MAP2K4: variants seen among roughly 807,000 people sequenced by gnomAD.
The protein encoded by MAP2K4 is dual specificity mitogen-activated protein kinase kinase 4.
Under a neutral mutation model 48.5 loss-of-function variants are expected in MAP2K4, and 4 were observed. That is an observed-to-expected ratio of 0.08 (90% CI 0.04 to 0.19). The LOEUF is 0.19. MAP2K4 is among the 10% of genes least tolerant of loss of function. MAP2K4 has a pLI of 1.00. For synonymous variants in MAP2K4, 166 were observed against 173.1 expected, an observed-to-expected ratio of 0.96 and a Z score of 0.32; for missense variants, 258 against 493.3, an observed-to-expected ratio of 0.52 and a Z score of 4.52.
intron 10 of MAP2K4, among the ~76,000 whole-genome samples, chr17:12,140,830 A>G (rs1311767429): frequency 6.6e-6 from 1 of 152,140 alleles, no homozygotes; most frequent in Admixed American, 6.5e-5. Context: ...GGCTCCAGCT[A>G]TGTTTTGTGC....
At chr17:12,126,327 A>G (rs1227299159) in intron 8 of MAP2K4, among the ~76,000 whole-genome samples, 1 of 152,206 alleles carries the variant, frequency 6.6e-6, no homozygotes, top group Admixed American at 6.5e-5. Context: ...TTTCTTACCT[A>G]TGGACTGTAT....
intron 2 of MAP2K4, among the ~76,000 whole-genome samples, chr17:12,063,538 T>C (rs1970519226): frequency 1.3e-5 from 2 of 152,136 alleles, no homozygotes; most frequent in South Asian, 4.1e-4. Flanking sequence ...CTATAAAGCT[T>C]CTAAAAGAAA....
At chr17:12,107,085 G>T (rs1445198117) in intron 4 of MAP2K4, among the ~76,000 whole-genome samples, 6 of 152,222 alleles carry the variant, frequency 3.9e-5, no homozygotes. Context: ...TGCAAGAAAT[G>T]TTTGAATGAT....
At chr17:12,108,274 C>T (rs910196789) in intron 5 of MAP2K4, among the ~76,000 whole-genome samples, 1 of 151,804 alleles carries the variant, frequency 6.6e-6, no homozygotes, top group Non-Finnish European at 1.5e-5. Flanking sequence ...CCTTGAAGCC[C>T]CATAATTGAA....
intron 1 of MAP2K4, among the ~76,000 whole-genome samples, chr17:12,035,598 C>T (rs1969568731): frequency 6.6e-6 from 1 of 152,124 alleles, no homozygotes; most frequent in Non-Finnish European, 1.5e-5. Context: ...CTGATTTCTC[C>T]ACTGTTGGGG....
chr17:12,091,307 A>G (rs1257179994), intron 3 of MAP2K4, among the ~76,000 whole-genome samples: 1 of 152,226 alleles, frequency 6.6e-6, no homozygotes, highest in Non-Finnish European at 1.5e-5. Context: ...CAGCCTTTCA[A>G]CAACTTGGAA....
At chr17:12,100,239 C>T (rs1485703952) in intron 4 of MAP2K4, among the ~76,000 whole-genome samples, 2 of 152,192 alleles carry the variant, frequency 1.3e-5, no homozygotes, top group African/African-American at 2.4e-5. Context: ...CTGCTGTCCC[C>T]ATTCTCAGAT....
intron 5 of MAP2K4, among the ~76,000 whole-genome samples, chr17:12,109,125 G>C (rs568425274): frequency 2.6e-5 from 4 of 152,146 alleles, no homozygotes; most frequent in Admixed American, 1.3e-4. Flanking sequence ...CTGAAGCATA[G>C]ACAGATTAAA....
At chr17:12,133,330 C>T (rs190824797) in intron 9 of MAP2K4, among the ~76,000 whole-genome samples, 3 of 152,314 alleles carry the variant, frequency 2.0e-5, no homozygotes, top group Non-Finnish European at 4.4e-5. Flanking sequence ...AATCCGCCCG[C>T]TTCAGCCTCC....
chr17:12,132,484 T>A (rs1191613749), intron 9 of MAP2K4, among the ~76,000 whole-genome samples: 1 of 152,212 alleles, frequency 6.6e-6, no homozygotes, highest in Non-Finnish European at 1.5e-5. Context: ...TGTATGGTTC[T>A]ATTTCTATAT....
chr17:12,020,905 A>AGCG lies in MAP2K4; in HGVS notation c.31_33dup (p.Gly11dup), dbSNP rs1002526348. 4.4e-5 allele frequency: 51 copies of AGCG among 1,170,630 alleles called. No individual in the cohort carries two copies. The highest frequency in any genetic ancestry group is 3.4e-4 in the Middle Eastern group (1 of 2,916). 72.5% of individuals were successfully genotyped at this position (1,170,630 alleles called of 1,614,324 possible). ...CCCAACAATGGCGGCTCCGAGCCCG[A>AGCG]GCGGCGGCGGCGGCTCCGGGGGCGG... On this transcript the variant is annotated inframe_insertion, in exon 1 of 11. Coordinates refer to ENST00000353533, the MANE Select transcript of MAP2K4 (RefSeq NM_003010.4).
chr17:12,094,083 C>T lies in MAP2K4; in HGVS notation c.394-1492C>T, dbSNP rs377650779. Among the ~76,000 whole-genome samples the T allele has an allele frequency of 1.4e-3, 211 of 152,188 alleles. 1 individual carries two copies. The highest frequency in any genetic ancestry group is 4.8e-3 in the African/African-American group (200 of 41,536). ...GAGAAAGAAGGGAAACTTTCCTTAA[C>T]GTTAATAGAACTAGTCTTATTTTGT... On this transcript the variant is annotated intron_variant, in intron 3 of 10. Transcript: ENST00000353533.
intron 3 of MAP2K4, among the ~76,000 whole-genome samples, chr17:12,089,655 C>T (rs1407359953): frequency 3.3e-5 from 5 of 152,146 alleles, no homozygotes; most frequent in Non-Finnish European, 5.9e-5. Flanking sequence ...AGATGTATCT[C>T]CTACTCTGCT....
At chr17:12,139,534 CA>C (rs771815356) in intron 9 of MAP2K4, among the ~76,000 whole-genome samples, 74 of 152,074 alleles carry the variant, frequency 4.9e-4, no homozygotes, top group Non-Finnish European at 5.4e-4. Context: ...ACTTATAAAA[CA>C]TTTATATATT....
intron 9 of MAP2K4, among the ~76,000 whole-genome samples, chr17:12,135,181 C>T (rs928814126): frequency 5.3e-5 from 8 of 152,136 alleles, no homozygotes; most frequent in Non-Finnish European, 1.2e-4. Context: ...CTCAACCTCC[C>T]GGTTTCAAGT....
At chr17:12,092,476 G>T (rs1011451798) in intron 3 of MAP2K4, among the ~76,000 whole-genome samples, 11 of 152,252 alleles carry the variant, frequency 7.2e-5, no homozygotes, top group African/African-American at 2.4e-4. Flanking sequence ...ATATTGTTTT[G>T]ATGGTTCATT....
At chr17:12,125,271 T>A in intron 7 of MAP2K4, 23 bp from the exon 8 acceptor site, 1 of 1,597,094 alleles carries the variant, frequency 6.3e-7, no homozygotes, top group Non-Finnish European at 8.6e-7. Context: ...AATTAATAAC[T>A]TACACTTGTC....
At chr17:12,055,126 T>G (rs1970245843) in intron 2 of MAP2K4, 135 bp downstream of exon 2, 1 of 540,886 alleles carries the variant, frequency 1.8e-6, no homozygotes, top group Non-Finnish European at 3.2e-6. Flanking sequence ...TTTATTCTTT[T>G]CCTTCTGGAG....
chr17:12,069,967 C>A lies in MAP2K4; in HGVS notation c.219-11389C>A. Reference sequence around the variant, plus strand: ...TATATATATATGCATGCTGAGGAGACAGTAAAACAGCTTGGGGCGTTTTAG... The same window carrying A: ...TATATATATATGCATGCTGAGGAGAAAGTAAAACAGCTTGGGGCGTTTTAG... On this transcript the variant is annotated intron_variant, in intron 2 of 10. Coordinates refer to ENST00000353533, the MANE Select transcript of MAP2K4 (RefSeq NM_003010.4). The A allele has an allele frequency of 2.6e-5, 3 of 114,452 alleles. 1 individual carries two copies. The highest frequency in any genetic ancestry group is 1.6e-5 in the Non-Finnish European group (1 of 64,490). 7.1% of individuals were successfully genotyped at this position (114,452 alleles called of 1,614,324 possible). A position where few individuals can be genotyped will look rare whatever the true frequency, so the allele number is the denominator to read the frequency against.
Sources: allele counts gnomAD v4.1 joint callset (sites outside exome capture counted in the v4.1 genomes callset), GRCh38; gene constraint gnomAD v4.1.1; transcripts MANE v1.5; gene names NCBI Gene and HGNC (gene_info 2026-07-23, HGNC 2026-07-21).